CTIF: variants seen among roughly 807,000 people sequenced by gnomAD.
CTIF encodes cap binding complex dependent translation initiation factor.
Under a neutral mutation model 66.0 loss-of-function variants are expected in CTIF, and 21 were observed. That is an observed-to-expected ratio of 0.32 (90% CI 0.23 to 0.46). The LOEUF is 0.46. Among genes scored for constraint, CTIF ranks in the 20% least tolerant of loss-of-function variants. The probability of loss-of-function intolerance (pLI) is 1.00; values close to 1 mark genes in which losing one functional copy is unlikely to be tolerated. For synonymous variants in CTIF, 345 were observed against 326.4 expected, an observed-to-expected ratio of 1.06 and a Z score of -0.62; for missense variants, 739 against 812.7, an observed-to-expected ratio of 0.91 and a Z score of 1.10.
At chr18:48,663,930 A>G in intron 4 of CTIF, 105 bp downstream of exon 4, 2 of 1,045,270 alleles carry the variant, frequency 1.9e-6, no homozygotes, top group Non-Finnish European at 3.0e-6. Flanking sequence ...AGAGGCAGAG[A>G]GAAGCAGAGT....
chr18:48,843,503 T>G (rs1452250472), intron 10 of CTIF, among the ~76,000 whole-genome samples: 1 of 151,846 alleles, frequency 6.6e-6, no homozygotes, highest in Admixed American at 6.5e-5. Flanking sequence ...CGAGCCCTCC[T>G]CCCCACCCCA....
At position 48,817,231 on chromosome 18, in the gene CTIF, C is replaced by A. The variant is rs200313305; in HGVS notation, c.1382C>A (p.Thr461Lys). 1.9e-6 allele frequency: 3 copies of A among 1,613,414 alleles called. No individual in the cohort carries two copies. The part of the protein sequence containing the change: ...LLLNMLQKDF[T>K]VREELQQQDV... ...CTCATGCCTCCACAGAAGGACTTCA[C>A]GGTGCGCGAGGAGCTGCAGCAGCAG... Residue 461 changes from threonine (T) to lysine (K), a missense_variant, in exon 10 of 12, where the codon ACG (threonine) becomes AAG (lysine). Around this residue, in one of 2 missense-constraint regions of CTIF, gnomAD observed 210 missense variants for 292.3 expected, o/e 0.72. Coordinates refer to ENST00000256413, the MANE Select transcript of CTIF (RefSeq NM_014772.3).
chr18:48,629,502 C>T (rs919093807), intron 2 of CTIF, among the ~76,000 whole-genome samples: 2 of 152,042 alleles, frequency 1.3e-5, no homozygotes, highest in African/African-American at 4.8e-5. Context: ...CATGATGCCC[C>T]TGTATCCCTT....
rs1229199046 is a variant in CTIF at position 48,722,812 on chromosome 18, G to T, written c.584+11117G>T. 2.0e-5 allele frequency among the ~76,000 whole-genome samples: 3 copies of T among 152,166 alleles called. No individual in the cohort carries two copies. In the East Asian group the frequency reaches 5.8e-4, roughly 29 times the overall value. On this transcript the variant is annotated intron_variant, in intron 7 of 11. Transcript: ENST00000256413. ...TGTAAGCACCCGGCCATACCCATCG[G>T]CGCTCATAGGTGTAAGCACTTGGCT...
chr18:48,597,474 A>T (rs1016420204), intron 1 of CTIF, among the ~76,000 whole-genome samples: 2 of 152,126 alleles, frequency 1.3e-5, no homozygotes, highest in Non-Finnish European at 2.9e-5. Flanking sequence ...TCCTTCATGA[A>T]TGGCTTGGTG....
intron 10 of CTIF, among the ~76,000 whole-genome samples, chr18:48,820,452 C>T (rs765323714): frequency 6.6e-6 from 1 of 152,100 alleles, no homozygotes; most frequent in Non-Finnish European, 1.5e-5. Flanking sequence ...ATGTCTGACC[C>T]CAAATCCACA....
chr18:48,819,872 C>T (rs780764243), intron 10 of CTIF, among the ~76,000 whole-genome samples: 2 of 152,218 alleles, frequency 1.3e-5, no homozygotes, highest in Non-Finnish European at 2.9e-5. Flanking sequence ...CTTTGGCTTC[C>T]TCATCTGTAA....
At chr18:48,719,517 CATT>C (rs2092312915) in intron 7 of CTIF, among the ~76,000 whole-genome samples, 1 of 152,198 alleles carries the variant, frequency 6.6e-6, no homozygotes, top group Admixed American at 6.5e-5. Flanking sequence ...CCTTATTACT[CATT>C]GATTCATATT....
intron 6 of CTIF, among the ~76,000 whole-genome samples, chr18:48,685,030 A>ATTTT (rs35327726): frequency 0.037 from 4,878 of 133,532 alleles, 102 homozygotes; most frequent in Middle Eastern, 0.066. Flanking sequence ...GTTTGTTTGT[A>ATTTT]TTTTTTTTTT....
chr18:48,553,913 G>A (rs1378889923), intron 1 of CTIF, among the ~76,000 whole-genome samples: 2 of 151,856 alleles, frequency 1.3e-5, no homozygotes, highest in Non-Finnish European at 2.9e-5. Flanking sequence ...TGCCTGCCTC[G>A]GCCTCCCAAA....
intron 9 of CTIF, among the ~76,000 whole-genome samples, chr18:48,782,870 T>G (rs1911368551): frequency 6.6e-6 from 1 of 152,078 alleles, no homozygotes; most frequent in African/African-American, 2.4e-5. Context: ...CCGGGGCAGC[T>G]GCCACCACCC....
At chr18:48,819,445 T>C (rs1160668933) in intron 10 of CTIF, among the ~76,000 whole-genome samples, 1 of 152,186 alleles carries the variant, frequency 6.6e-6, no homozygotes, top group Non-Finnish European at 1.5e-5. Context: ...CTCTGCGTGA[T>C]CTGGACACCT....
At chr18:48,834,189 G>A (rs533403214) in intron 10 of CTIF, among the ~76,000 whole-genome samples, 10 of 152,290 alleles carry the variant, frequency 6.6e-5, no homozygotes, top group South Asian at 4.1e-4. Context: ...GGTGTAGGGC[G>A]TGAGCAGCAG....
chr18:48,584,123 G>A (rs1239043875), intron 1 of CTIF, among the ~76,000 whole-genome samples: 2 of 152,168 alleles, frequency 1.3e-5, no homozygotes, highest in East Asian at 3.9e-4. Context: ...AGGGCACAAG[G>A]CTTAACAAAT....
At chr18:48,567,749 A>C (rs910961948) in intron 1 of CTIF, 4 of 152,212 alleles carry the variant, frequency 2.6e-5, no homozygotes, top group African/African-American at 9.7e-5. Context: ...GCTCTGTCAC[A>C]GTGGGGTTGG....
chr18:48,859,636 CA>C lies in CTIF; in HGVS notation c.*78del. The C allele has an allele frequency of 7.1e-7, 1 of 1,399,778 alleles. No individual in the cohort carries two copies. The highest frequency in any genetic ancestry group is 1.2e-5 in the South Asian group (1 of 86,464). 86.7% of individuals were successfully genotyped at this position (1,399,778 alleles called of 1,614,324 possible). A position where few individuals can be genotyped will look rare whatever the true frequency, so the allele number is the denominator to read the frequency against. ...AGGGCCAGATGGACAGGCGGGAGGACAGGGGTGGCCCTGGCGGGAGAAAGAA... is the reference window on the plus strand; with the variant it reads ...AGGGCCAGATGGACAGGCGGGAGGACGGGGTGGCCCTGGCGGGAGAAAGAA... On this transcript the variant is annotated 3_prime_UTR_variant, in exon 12 of 12. Transcript: ENST00000256413.
chr18:48,541,006 C>T (rs1204228907), intron 1 of CTIF, among the ~76,000 whole-genome samples: 2 of 152,126 alleles, frequency 1.3e-5, no homozygotes, highest in South Asian at 4.1e-4. Context: ...CCCCGTGACC[C>T]GGCAGACTGG....
chr18:48,711,694 A>C lies in CTIF; in HGVS notation c.583A>C (p.Arg195=). The C allele has an allele frequency of 6.2e-7, 1 of 1,613,382 alleles. No individual in the cohort carries two copies. Among genetic ancestry groups the C allele is most frequent in the African/African-American group, 1.3e-5 (1 of 75,024 alleles). The change falls in exon 7 of 12, where the codon AGG becomes CGG. Residue 195 remains arginine (R), a splice_region_variant and synonymous_variant. Coordinates refer to ENST00000256413, the MANE Select transcript of CTIF (RefSeq NM_014772.3). ...KLFRRRRNDR[R]RQQRPPGGNK... The stretch of plus-strand genomic sequence containing the variant: ...GTTCCGCAGGAGGAGAAATGATCGA[A>C]GGTAGGAGAGACTTCGTCGTGAGCT...
chr18:48,807,890 A>G (rs2068183266), intron 9 of CTIF, among the ~76,000 whole-genome samples: 1 of 152,136 alleles, frequency 6.6e-6, no homozygotes, highest in African/African-American at 2.4e-5. Context: ...CCACATAAAC[A>G]TAATTTTTAA....
Sources: gnomAD v4.1 joint callset for allele counts (sites outside exome capture counted in the v4.1 genomes callset) on GRCh38, gnomAD v4.1.1 for gene constraint, gnomAD v4.1.1 regional missense constraint, MANE v1.5 for transcripts, NCBI Gene and HGNC (gene_info 2026-07-23, HGNC 2026-07-21) for gene names.